RCAN2: variants seen among roughly 807,000 people sequenced by gnomAD.
The protein encoded by RCAN2 is regulator of calcineurin 2, also known as calcipressin-2.
A neutral mutation model predicts 23.6 loss-of-function variants in RCAN2; 9 were observed. The ratio of observed to expected loss-of-function variants is 0.38; its 90% CI spans 0.23 to 0.67. The LOEUF is 0.67. RCAN2 is among the 30% of genes least tolerant of loss of function. RCAN2 has a pLI of 0.51. For synonymous variants in RCAN2, 109 were observed against 115.7 expected (o/e 0.94, Z 0.37); for missense variants, 273 against 302.3 (o/e 0.90, Z 0.72).
At chr6:46,325,650 C>T in intron 2 of RCAN2, 1 of 1,418,716 alleles carries the variant, frequency 7.0e-7, no homozygotes, top group Non-Finnish European at 9.2e-7. Context: ...CCCTCCGCGT[C>T]TGAGGCAGCA....
intron 2 of RCAN2, among the ~76,000 whole-genome samples, chr6:46,397,384 C>T (rs1766123111): frequency 6.6e-6 from 1 of 151,358 alleles, no homozygotes; most frequent in Admixed American, 6.6e-5. Flanking sequence ...CACACACACA[C>T]ACACACACAC....
intron 2 of RCAN2, among the ~76,000 whole-genome samples, chr6:46,411,170 T>C (rs1766540699): frequency 6.6e-6 from 1 of 152,240 alleles, no homozygotes; most frequent in South Asian, 2.1e-4. Flanking sequence ...ATACCTATGA[T>C]GGAATATTAT....
chr6:46,361,563 G>T (rs1765016836), intron 2 of RCAN2, among the ~76,000 whole-genome samples: 1 of 152,184 alleles, frequency 6.6e-6, no homozygotes, highest in African/African-American at 2.4e-5. Context: ...CGTCTAGATT[G>T]CAGTGAAACA....
chr6:46,248,708 A>G lies in RCAN2; in HGVS notation c.399+15T>C, dbSNP rs758968874. On this transcript the variant is annotated intron_variant, in intron 3 of 4. Coordinates refer to ENST00000371374, the MANE Select transcript of RCAN2 (RefSeq NM_001251974.2). The stretch of plus-strand genomic sequence containing the variant: ...GTAGGGCAAAAAGAATAACTTTGGT[A>G]AACAATTACCTTACCTGTGCAAAGT... The G allele has an allele frequency of 6.4e-7, 1 of 1,552,058 alleles. No individual in the cohort carries two copies. Among genetic ancestry groups the G allele is most frequent in the Non-Finnish European group, 8.7e-7 (1 of 1,149,790 alleles).
At chr6:46,295,430 T>A (rs1461261232) in intron 2 of RCAN2, among the ~76,000 whole-genome samples, 1 of 151,776 alleles carries the variant, frequency 6.6e-6, no homozygotes, top group Admixed American at 6.6e-5. Flanking sequence ...AGAATGGAGA[T>A]GAGTAGTAGC....
intron 2 of RCAN2, among the ~76,000 whole-genome samples, chr6:46,406,448 T>C (rs1294711975): frequency 6.6e-6 from 1 of 152,254 alleles, no homozygotes; most frequent in Non-Finnish European, 1.5e-5. Flanking sequence ...TCTGTTTTCA[T>C]TTCTTTCTTA....
intron 2 of RCAN2, among the ~76,000 whole-genome samples, chr6:46,283,012 T>A (rs532535767): frequency 6.6e-6 from 1 of 152,172 alleles, no homozygotes; most frequent in Admixed American, 6.5e-5. Context: ...TCTTTCTGCA[T>A]GGAAACTGCC....
Position 46,334,597 on chromosome 6 carries a change from G to A in RCAN2, c.226-85701C>T, listed in dbSNP as rs557922929. ...CAGGAGAGGTCCATGAGAAGTCATA[G>A]GGACAATGAAAACAGGAAGAGGGGC... On this transcript the variant is annotated intron_variant, in intron 2 of 4. Transcript: ENST00000371374. Among the ~76,000 whole-genome samples, 313 of 152,298 alleles carry A rather than the reference G, an allele frequency of 2.1e-3. 3 individuals are homozygous for A. The highest frequency in any genetic ancestry group is 7.4e-3 in the African/African-American group (308 of 41,558).
At chr6:46,325,946 T>A in intron 2 of RCAN2, 5 of 924,682 alleles carry the variant, frequency 5.4e-6, no homozygotes, top group Non-Finnish European at 6.5e-6. Context: ...GGGGGAGGTG[T>A]AATTCTGCAG....
chr6:46,229,464 A>C (rs1582006215), intron 4 of RCAN2, among the ~76,000 whole-genome samples: 1 of 151,940 alleles, frequency 6.6e-6, no homozygotes, highest in South Asian at 2.1e-4. Flanking sequence ...AGGCTTGTTC[A>C]TTTCTTTTTA....
chr6:46,469,095 C>A (rs1286160052), intron 1 of RCAN2, among the ~76,000 whole-genome samples: 1 of 152,180 alleles, frequency 6.6e-6, no homozygotes, highest in African/African-American at 2.4e-5. Context: ...GAAGCCAGGG[C>A]TGATTGTACT....
intron 2 of RCAN2, among the ~76,000 whole-genome samples, chr6:46,350,762 AG>A (rs1182675815): frequency 6.6e-6 from 1 of 152,134 alleles, no homozygotes; most frequent in East Asian, 1.9e-4. Context: ...AGCTTGAGGA[AG>A]GATCCTATTT....
At chr6:46,451,694 A>G (rs1255171892) in intron 2 of RCAN2, among the ~76,000 whole-genome samples, 1 of 152,188 alleles carries the variant, frequency 6.6e-6, no homozygotes, top group Non-Finnish European at 1.5e-5. Context: ...CTTGAGAAGA[A>G]GAAATTGGTT....
intron 2 of RCAN2, among the ~76,000 whole-genome samples, chr6:46,349,384 C>A (rs866907182): frequency 1.9e-4 from 29 of 152,094 alleles, no homozygotes; most frequent in African/African-American, 6.3e-4. Context: ...GAGAGGGGAA[C>A]AACACACACA....
chr6:46,405,217 G>A (rs1766363869), intron 2 of RCAN2, among the ~76,000 whole-genome samples: 1 of 152,144 alleles, frequency 6.6e-6, no homozygotes. Flanking sequence ...GCTGGGCACA[G>A]GAGTGAAGCT....
Position 46,324,072 on chromosome 6 carries a change from G to A in RCAN2, c.226-75176C>T, listed in dbSNP as rs566913210. ...CCTGGTTACCCACACTGGACTTGAC[G>A]CTGGCTTTAAATGACTGCTCTCCCT... On this transcript the variant is annotated intron_variant, in intron 2 of 4. Transcript: ENST00000371374. Among the ~76,000 whole-genome samples, 8 of 152,260 alleles carry A rather than the reference G, an allele frequency of 5.3e-5. No individual in the cohort carries two copies. The South Asian group carries it at 1.5e-3, about 28-fold the overall frequency.
intron 4 of RCAN2, among the ~76,000 whole-genome samples, chr6:46,243,138 G>A (rs1381961724): frequency 1.3e-5 from 2 of 152,296 alleles, no homozygotes; most frequent in African/African-American, 4.8e-5. Flanking sequence ...GGATGCCATG[G>A]GGAGGAGGAA....
chr6:46,377,655 C>T (rs1765514216), intron 2 of RCAN2, among the ~76,000 whole-genome samples: 1 of 152,214 alleles, frequency 6.6e-6, no homozygotes, highest in African/African-American at 2.4e-5. Context: ...GAGAACCTTA[C>T]TTCCTGCTTG....
intron 2 of RCAN2, among the ~76,000 whole-genome samples, chr6:46,315,021 A>G (rs1337775230): frequency 6.6e-6 from 1 of 152,194 alleles, no homozygotes; most frequent in African/African-American, 2.4e-5. Context: ...AGATCACACC[A>G]CTGCATTCCA....
Sources: gnomAD v4.1 joint callset for allele counts (sites outside exome capture counted in the v4.1 genomes callset) on GRCh38, gnomAD v4.1.1 for gene constraint, MANE v1.5 for transcripts, NCBI Gene and HGNC (gene_info 2026-07-23, HGNC 2026-07-21) for gene names.